Variants in CD247 observed in about 807,000 individuals in gnomAD.
CD247 encodes CD247 molecule.
Under a neutral mutation model 30.0 loss-of-function variants are expected in CD247, and 13 were observed. That is an observed-to-expected ratio of 0.43 (90% CI 0.28 to 0.69). CD247 has a LOEUF of 0.69. Among genes scored for constraint, CD247 ranks in the 30% least tolerant of loss-of-function variants. CD247 has a pLI of 0.16. For synonymous variants in CD247, 72 were observed against 80.0 expected, an observed-to-expected ratio of 0.90 and a Z score of 0.53; for missense variants, 193 against 212.6, an observed-to-expected ratio of 0.91 and a Z score of 0.57.
intron 1 of CD247, among the ~76,000 whole-genome samples, chr1:167,441,734 T>C (rs1048447024): frequency 1.6e-4 from 24 of 152,258 alleles, no homozygotes; most frequent in African/African-American, 5.3e-4. Flanking sequence ...AAGCTGTAGT[T>C]AATGCACGTT....
chr1:167,507,377 G>A (rs940325028), intron 1 of CD247, among the ~76,000 whole-genome samples: 5 of 152,084 alleles, frequency 3.3e-5, no homozygotes, highest in Non-Finnish European at 5.9e-5. Context: ...TTCTGACCCC[G>A]TAGAGAGGAC....
intron 1 of CD247, among the ~76,000 whole-genome samples, chr1:167,463,905 G>A (rs1653130318): frequency 6.6e-6 from 1 of 152,158 alleles, no homozygotes; most frequent in African/African-American, 2.4e-5. Flanking sequence ...AAGAAAAGGA[G>A]GTTTGTTTGT....
chr1:167,516,644 G>A (rs1655616573), intron 1 of CD247, among the ~76,000 whole-genome samples: 1 of 152,070 alleles, frequency 6.6e-6, no homozygotes, highest in Admixed American at 6.5e-5. Flanking sequence ...CTCGTTTCTG[G>A]GCTAGGATAT....
chr1:167,440,889 C>T (rs1651793049), intron 1 of CD247, 122 bp from the exon 2 acceptor site: 1 of 709,716 alleles, frequency 1.4e-6, no homozygotes, highest in Non-Finnish European at 2.5e-6. Context: ...TATATCCAAT[C>T]CCCATGCCTC....
intron 1 of CD247, among the ~76,000 whole-genome samples, chr1:167,465,268 A>G (rs145482577): frequency 6.6e-6 from 1 of 150,484 alleles, no homozygotes; most frequent in Non-Finnish European, 1.5e-5. Context: ...TAAACTGGAG[A>G]TCAGTGAGAT....
At chr1:167,442,165 T>A (rs997470814) in intron 1 of CD247, among the ~76,000 whole-genome samples, 1 of 152,244 alleles carries the variant, frequency 6.6e-6, no homozygotes, top group Non-Finnish European at 1.5e-5. Context: ...GCACTGTGAA[T>A]GAGGAGACTC....
At chr1:167,504,066 G>A (rs901977510) in intron 1 of CD247, among the ~76,000 whole-genome samples, 3 of 152,134 alleles carry the variant, frequency 2.0e-5, no homozygotes, top group Non-Finnish European at 4.4e-5. Flanking sequence ...CTGGGCTCCC[G>A]GGGTGCTGTG....
chr1:167,473,735 C>G (rs982301373), intron 1 of CD247, among the ~76,000 whole-genome samples: 1 of 152,198 alleles, frequency 6.6e-6, no homozygotes, highest in South Asian at 2.1e-4. Context: ...CTAAGCATTC[C>G]TGACTGGAGA....
chr1:167,487,919 G>A (rs568513986), intron 1 of CD247, among the ~76,000 whole-genome samples: 127 of 152,056 alleles, frequency 8.4e-4, no homozygotes, highest in African/African-American at 2.9e-3. Context: ...AATTTTTTTT[G>A]TAGAGATGGG....
At chr1:167,439,534 G>A in intron 2 of CD247, 134 bp from the exon 3 acceptor site, 1 of 774,768 alleles carries the variant, frequency 1.3e-6, no homozygotes, top group Non-Finnish European at 2.3e-6. Flanking sequence ...CCTGCCTCCT[G>A]GGGCTGAGCC....
intron 1 of CD247, among the ~76,000 whole-genome samples, chr1:167,452,820 C>G (rs3108155): frequency 0.3 from 45,272 of 151,720 alleles, 7,967 homozygotes; most frequent in Middle Eastern, 0.43. Flanking sequence ...AGCCCCCCAA[C>G]GCCAGTGGAC....
At chr1:167,478,699 T>A in intron 1 of CD247, among the ~76,000 whole-genome samples, 1 of 152,206 alleles carries the variant, frequency 6.6e-6, no homozygotes. Flanking sequence ...CAAAAAGTTG[T>A]TGTGAGGAAT....
intron 1 of CD247, among the ~76,000 whole-genome samples, chr1:167,466,524 C>T (rs1341553104): frequency 6.6e-6 from 1 of 151,976 alleles, no homozygotes; most frequent in African/African-American, 2.4e-5. Flanking sequence ...CCCAATTTTT[C>T]CCCTCAGTTT....
At chr1:167,448,866 AT>A (rs1165285362) in intron 1 of CD247, among the ~76,000 whole-genome samples, 1 of 152,238 alleles carries the variant, frequency 6.6e-6, no homozygotes, top group African/African-American at 2.4e-5. Context: ...GTCTAAAAAA[AT>A]AAATAAACAA....
rs1336900417 is a variant in CD247, at chr1:167,431,397, A to AG, written c.*283dup. 6.7e-6 allele frequency: 4 copies of AG among 600,182 alleles called. No homozygotes were observed. Among genetic ancestry groups the AG allele is most frequent in the Non-Finnish European group, 1.2e-5 (4 of 338,122 alleles). 37.2% of individuals were successfully genotyped at this position (600,182 alleles called of 1,614,324 possible). ...GTGAGAGGCAGTGCGCCCGCCTCCC[A>AG]GGGAGAACGAGGAACCGCCAGGAGA... On this transcript the variant is annotated 3_prime_UTR_variant, in exon 8 of 8. Coordinates refer to ENST00000362089, the MANE Select transcript of CD247 (RefSeq NM_198053.3).
rs1175616301 is a variant in CD247, at chr1:167,431,684, G to C, written c.492C>G (p.Arg164=). Residue 164 remains arginine (R), a synonymous_variant, in exon 8 of 8, where the codon CGC becomes CGG. Transcript: ENST00000362089. The part of the protein sequence containing the change: ...DALHMQALPP[R] Reference sequence around the variant, plus strand: ...GAGTGGTGAAATCCCCTGGCTGTTAGCGAGGGGGCAGGGCCTGCATGTGAA... The same window carrying C: ...GAGTGGTGAAATCCCCTGGCTGTTACCGAGGGGGCAGGGCCTGCATGTGAA... 6.2e-7 allele frequency: 1 copy of C among 1,613,758 alleles called. No homozygotes were observed. Among genetic ancestry groups the C allele is most frequent in the Admixed American group, 1.7e-5 (1 of 60,008 alleles).
intron 1 of CD247, among the ~76,000 whole-genome samples, chr1:167,479,662 C>G (rs951195065): frequency 8.5e-5 from 13 of 152,152 alleles, no homozygotes; most frequent in Admixed American, 3.3e-4. Flanking sequence ...CCACCTGTGT[C>G]CCCAGTCCAC....
chr1:167,508,087 C>T (rs1441821803), intron 1 of CD247, among the ~76,000 whole-genome samples: 2 of 152,200 alleles, frequency 1.3e-5, no homozygotes, highest in East Asian at 3.9e-4. Context: ...AAAATCTTAC[C>T]CTCCGTGTCC....
intron 1 of CD247, among the ~76,000 whole-genome samples, chr1:167,470,260 A>T (rs997415449): frequency 1.3e-5 from 2 of 152,010 alleles, no homozygotes; most frequent in African/African-American, 4.8e-5. Flanking sequence ...TGACCCCACC[A>T]TTTAGATCTA....
Sources: allele counts gnomAD v4.1 joint callset (sites outside exome capture counted in the v4.1 genomes callset), GRCh38; gene constraint gnomAD v4.1.1; transcripts MANE v1.5; gene names NCBI Gene and HGNC (gene_info 2026-07-23, HGNC 2026-07-21).